Variants in UTRN observed in about 807,000 individuals in gnomAD.
The protein encoded by UTRN is dystrophin-related protein 1.
In UTRN, 283 loss-of-function variants were observed where a neutral mutation model predicts 463.9. The observed-to-expected ratio is 0.61, with a 90% CI of 0.55 to 0.67. UTRN has a LOEUF of 0.67. UTRN is among the 30% of genes least tolerant of loss of function. UTRN has a pLI of 0.00. For missense variants in UTRN, 3,922 were observed against 4,084.3 expected, an observed-to-expected ratio of 0.96 and a Z score of 1.08; for synonymous variants, 1,442 against 1,431.5, an observed-to-expected ratio of 1.01 and a Z score of -0.17.
intron 54 of UTRN, among the ~76,000 whole-genome samples, chr6:144,738,838 C>G (rs1789730446): frequency 6.6e-6 from 1 of 152,132 alleles, no homozygotes; most frequent in Non-Finnish European, 1.5e-5. Flanking sequence ...AATATCATTT[C>G]TGTTTCAGCC....
chr6:144,401,091 TTCTC>T (rs1271499112), intron 2 of UTRN, among the ~76,000 whole-genome samples: 2 of 152,216 alleles, frequency 1.3e-5, no homozygotes, highest in African/African-American at 4.8e-5. Flanking sequence ...GTAGTAAGAT[TTCTC>T]TCTTAGAATT....
At chr6:144,396,374 G>C (rs1562339337) in intron 2 of UTRN, among the ~76,000 whole-genome samples, 1 of 152,174 alleles carries the variant, frequency 6.6e-6, no homozygotes, top group Non-Finnish European at 1.5e-5. Context: ...GGGGCTGGTG[G>C]GTATGGGGAC....
intron 61 of UTRN, among the ~76,000 whole-genome samples, chr6:144,785,086 T>C (rs1776188281): frequency 7.0e-6 from 1 of 142,288 alleles, no homozygotes. Flanking sequence ...TTATTAACTC[T>C]TTTCAACCAA....
intron 3 of UTRN, among the ~76,000 whole-genome samples, chr6:144,417,120 G>GA (rs201035233): frequency 3.8e-4 from 57 of 150,960 alleles, no homozygotes; most frequent in African/African-American, 1.1e-3. Flanking sequence ...TGGTGTACTA[G>GA]AAAAAAAAAT....
At chr6:144,554,081 A>G (rs959397473) in intron 48 of UTRN, among the ~76,000 whole-genome samples, 1 of 152,208 alleles carries the variant, frequency 6.6e-6, no homozygotes, top group African/African-American at 2.4e-5. Context: ...AAGAGCCAGT[A>G]TGGAATTTTT....
At position 144,661,857 on chromosome 6, in the gene UTRN, G is replaced by A. The variant is rs559539864; in HGVS notation, c.7480-16549G>A. On this transcript the variant is annotated intron_variant, in intron 51 of 74. Coordinates refer to ENST00000367545, the MANE Select transcript of UTRN (RefSeq NM_007124.3). The stretch of plus-strand genomic sequence containing the variant: ...AGCCATTTTATTGGCAGAGTTAGAA[G>A]TTCTGGTTATATTAGCATGTTTCCC... Among the ~76,000 whole-genome samples the A allele has an allele frequency of 4.1e-4, 63 of 152,282 alleles. 1 individual carries two copies. Among genetic ancestry groups the A allele is most frequent in the Admixed American group, 3.7e-3 (56 of 15,292 alleles).
chr6:144,700,132 G>A lies in UTRN; in HGVS notation c.7698G>A (p.Met2566Ile). The change falls in exon 53 of 75, where the codon ATG becomes ATA. Residue 2566 changes from methionine (M) to isoleucine (I), a missense_variant. Physicochemically the swap from Met to Ile is conservative, Grantham distance 10. Coordinates refer to ENST00000367545, the MANE Select transcript of UTRN (RefSeq NM_007124.3). ...CTGAGAAGTGGAACAGGTTGCTGAT[G>A]TCCTTAGAAGAACTGATCAAATGGC... ...ASAEKWNRLL[M>I]SLEELIKWLN... 1 of 1,612,976 alleles carries A rather than the reference G, an allele frequency of 6.2e-7. No homozygotes were observed. Among genetic ancestry groups the A allele is most frequent in the Non-Finnish European group, 8.5e-7 (1 of 1,179,258 alleles).
chr6:144,511,124 G>T lies in UTRN; in HGVS notation c.4944+1G>T. ...TGAAGATTGGTGCAATACCTTGATG[G>T]TATGTCTCAGGAAAAAGTAAATGAT... On this transcript the variant is annotated splice_donor_variant, in intron 35 of 74. Transcript: ENST00000367545. LOFTEE classifies it high-confidence loss of function. The T allele has an allele frequency of 6.5e-7, 1 of 1,541,610 alleles. No homozygotes were observed. The highest frequency in any genetic ancestry group is 8.8e-7 in the Non-Finnish European group (1 of 1,137,072).
At chr6:144,462,017 C>G (rs1442471999) in intron 22 of UTRN, among the ~76,000 whole-genome samples, 2 of 152,074 alleles carry the variant, frequency 1.3e-5, no homozygotes, top group Admixed American at 6.6e-5. Flanking sequence ...ACGTATTAAG[C>G]CCAGCATCCA....
Position 144,781,997 on chromosome 6 carries a change from G to C in UTRN, c.8708G>C (p.Ser2903Thr), listed in dbSNP as rs141091589. The stretch of plus-strand genomic sequence containing the variant: ...TTGAACCAAAATGACCAGCTCCTCA[G>C]TGTTCCAGATGTCATCAACTGTCTG... ...HKLNQNDQLL[S>T]VPDVINCLTT... is the part of the protein sequence containing the mutation. Residue 2903 changes from serine to threonine, a missense_variant, in exon 61 of 75, where the codon AGT (serine) becomes ACT (threonine). Transcript: ENST00000367545. The C allele has an allele frequency of 1.9e-5, 30 of 1,613,936 alleles. No individual in the cohort carries two copies. The highest frequency in any genetic ancestry group is 2.2e-5 in the Non-Finnish European group (26 of 1,179,986).
At chr6:144,483,139 C>T (rs907844943) in intron 27 of UTRN, among the ~76,000 whole-genome samples, 1 of 152,156 alleles carries the variant, frequency 6.6e-6, no homozygotes, top group African/African-American at 2.4e-5. Flanking sequence ...AATATTTAAC[C>T]TAAATTCATT....
chr6:144,403,116 T>G lies in UTRN; in HGVS notation c.80-7T>G. ...TTTTTCCTTCTCTTTCTTTTTCCAT[T>G]CCACAGATGAACACAATGACGTACA... On this transcript the variant is annotated splice_region_variant and splice_polypyrimidine_tract_variant and intron_variant, in intron 2 of 74. Transcript: ENST00000367545. 1 of 1,612,750 alleles carries G rather than the reference T, an allele frequency of 6.2e-7. No individual in the cohort carries two copies. Among genetic ancestry groups the G allele is most frequent in the East Asian group, 2.2e-5 (1 of 44,808 alleles).
intron 2 of UTRN, chr6:144,398,150 C>A: frequency 4.0e-6 from 1 of 249,778 alleles, no homozygotes. Flanking sequence ...TTTCCCTGTT[C>A]CCTGGGGTGG....
At chr6:144,368,700 G>A (rs1779721533) in intron 2 of UTRN, among the ~76,000 whole-genome samples, 1 of 152,056 alleles carries the variant, frequency 6.6e-6, no homozygotes, top group Non-Finnish European at 1.5e-5. Context: ...CTTGAACCTG[G>A]GAGGAGGAGG....
rs750006868 is a variant in UTRN at position 144,438,843 on chromosome 6, G to T, written c.1340G>T (p.Cys447Phe). The stretch of plus-strand genomic sequence containing the variant: ...GAGCGCATTCAGAAGATGGAAACTT[G>T]CCCCCTGGATGATGATGTAAAATCT... ...TEERIQKMET[C>F]PLDDDVKSLQ... is the part of the protein sequence containing the mutation. Residue 447 changes from cysteine (C) to phenylalanine (F), a missense_variant, in exon 12 of 75, where the codon TGC becomes TTC. Transcript: ENST00000367545. 1.9e-6 allele frequency: 3 copies of T among 1,614,182 alleles called. No homozygotes were observed. The highest frequency in any genetic ancestry group is 3.3e-5 in the Admixed American group (2 of 60,018).
At chr6:144,721,609 G>A (rs1265683523) in intron 53 of UTRN, among the ~76,000 whole-genome samples, 1 of 152,158 alleles carries the variant, frequency 6.6e-6, no homozygotes, top group Non-Finnish European at 1.5e-5. Flanking sequence ...CAATTTGTCT[G>A]GGAGGGGAAT....
intron 61 of UTRN, among the ~76,000 whole-genome samples, chr6:144,782,657 T>C (rs1234742314): frequency 6.6e-6 from 1 of 151,468 alleles, no homozygotes; most frequent in Non-Finnish European, 1.5e-5. Context: ...ATATATGGTG[T>C]TTTAAATAAT....
chr6:144,386,823 A>G (rs1334992052), intron 2 of UTRN, among the ~76,000 whole-genome samples: 1 of 151,946 alleles, frequency 6.6e-6, no homozygotes, highest in African/African-American at 2.4e-5. Flanking sequence ...ATGATCTTAC[A>G]TTTTGTTTTT....
intron 51 of UTRN, among the ~76,000 whole-genome samples, chr6:144,635,535 C>CTTTTTTTTTTT (rs1219903798): frequency 3.3e-4 from 11 of 33,174 alleles, no homozygotes; most frequent in Admixed American, 9.5e-4. Context: ...TTTTTCTTTT[C>CTTTTTTTTTTT]TTTTTTTTTT....
Sources: gnomAD v4.1 joint callset for allele counts (sites outside exome capture counted in the v4.1 genomes callset) on GRCh38, gnomAD v4.1.1 for gene constraint, MANE v1.5 for transcripts, NCBI Gene and HGNC (gene_info 2026-07-23, HGNC 2026-07-21) for gene names.